Variants in DCC observed in about 807,000 individuals in gnomAD.
DCC encodes DCC netrin 1 receptor.
DCC carries 58 observed loss-of-function variants against 172.5 expected under a neutral mutation model. The ratio of observed to expected loss-of-function variants is 0.34; its 90% CI spans 0.27 to 0.42. The LOEUF is 0.42. Ranked by LOEUF, DCC falls within the 10% of genes least tolerant of loss-of-function variation. DCC has a pLI of 1.00. For synonymous variants in DCC, 709 were observed against 644.5 expected (o/e 1.10, Z -1.52); for missense variants, 1,740 against 1,791.0 (o/e 0.97, Z 0.51).
chr18:53,170,234 A>G (rs1227051981), intron 8 of DCC, among the ~76,000 whole-genome samples: 1 of 152,322 alleles, frequency 6.6e-6, no homozygotes, highest in East Asian at 1.9e-4. Flanking sequence ...AGATACCATA[A>G]GACTATCAAG....
chr18:53,443,709 A>G (rs1466538145), intron 22 of DCC, among the ~76,000 whole-genome samples: 2 of 152,254 alleles, frequency 1.3e-5, no homozygotes, highest in African/African-American at 2.4e-5. Context: ...ACCACTCTAG[A>G]TGCCATTAAG....
At chr18:53,485,284 T>C (rs555511357) in intron 25 of DCC, among the ~76,000 whole-genome samples, 19 of 152,252 alleles carry the variant, frequency 1.2e-4, no homozygotes, top group Admixed American at 2.0e-4. Flanking sequence ...CAATAACATG[T>C]ATTTTTAAAA....
intron 1 of DCC, among the ~76,000 whole-genome samples, chr18:52,466,122 G>A (rs559047686): frequency 1.3e-5 from 2 of 152,230 alleles, no homozygotes; most frequent in South Asian, 2.1e-4. Context: ...AAAAAATAGC[G>A]TTTGAGAAGG....
chr18:53,328,680 A>T (rs1042120622), intron 14 of DCC, among the ~76,000 whole-genome samples: 1 of 152,068 alleles, frequency 6.6e-6, no homozygotes, highest in African/African-American at 2.4e-5. Context: ...GATTACAGGC[A>T]TCCACCACCA....
chr18:53,391,920 A>G (rs1908575474), intron 17 of DCC, 33 bp downstream of exon 17: 1 of 1,230,182 alleles, frequency 8.1e-7, no homozygotes, highest in Admixed American at 1.7e-5. Context: ...GAAATTTAAA[A>G]TGAACTGACA....
intron 12 of DCC, among the ~76,000 whole-genome samples, chr18:53,262,084 G>C (rs1568398954): frequency 6.6e-6 from 1 of 152,156 alleles, no homozygotes; most frequent in Non-Finnish European, 1.5e-5. Context: ...GTAAGTTTCT[G>C]TTCTTACACA....
intron 1 of DCC, among the ~76,000 whole-genome samples, chr18:52,718,987 T>C (rs191271156): frequency 6.6e-6 from 1 of 152,288 alleles, no homozygotes; most frequent in East Asian, 1.9e-4. Context: ...AGCAGGTCCA[T>C]TTTCCCTCTG....
At chr18:52,597,205 A>C (rs544815227) in intron 1 of DCC, among the ~76,000 whole-genome samples, 1 of 152,180 alleles carries the variant, frequency 6.6e-6, no homozygotes, top group Non-Finnish European at 1.5e-5. Context: ...GAGCAAATGA[A>C]GTTTCATCTT....
intron 1 of DCC, among the ~76,000 whole-genome samples, chr18:52,478,135 T>A (rs1246826155): frequency 1.3e-5 from 2 of 152,166 alleles, no homozygotes; most frequent in Non-Finnish European, 2.9e-5. Flanking sequence ...TATCCTGGGT[T>A]ACAATCCTAC....
chr18:53,040,897 A>G (rs1483691714), intron 5 of DCC, among the ~76,000 whole-genome samples: 2 of 151,962 alleles, frequency 1.3e-5, no homozygotes, highest in African/African-American at 4.8e-5. Context: ...ATAAAAGTTG[A>G]AGGGTGCAGG....
chr18:52,736,736 T>A (rs1246697293), intron 1 of DCC, among the ~76,000 whole-genome samples: 2 of 152,178 alleles, frequency 1.3e-5, no homozygotes, highest in African/African-American at 2.4e-5. Context: ...TCATGATAAC[T>A]AATTAGTCCC....
At chr18:52,976,950 A>T (rs2041128126) in intron 5 of DCC, among the ~76,000 whole-genome samples, 2 of 152,100 alleles carry the variant, frequency 1.3e-5, no homozygotes, top group Admixed American at 6.5e-5. Flanking sequence ...GTAAACCTTA[A>T]CTCATTAATT....
At chr18:52,690,068 A>G (rs1361675900) in intron 1 of DCC, among the ~76,000 whole-genome samples, 2 of 152,158 alleles carry the variant, frequency 1.3e-5, no homozygotes, top group African/African-American at 4.8e-5. Flanking sequence ...CAAGCCTTCA[A>G]ATGACTGTAG....
At chr18:52,899,904 T>A (rs148904169) in intron 2 of DCC, among the ~76,000 whole-genome samples, 1 of 152,332 alleles carries the variant, frequency 6.6e-6, no homozygotes, top group African/African-American at 2.4e-5. Flanking sequence ...AACAATGATA[T>A]ATATTTTTCA....
chr18:53,175,753 C>G (rs1397011847), intron 8 of DCC, among the ~76,000 whole-genome samples: 1 of 151,962 alleles, frequency 6.6e-6, no homozygotes, highest in Non-Finnish European at 1.5e-5. Context: ...CCATACTGCC[C>G]AAGGTAATTT....
chr18:53,462,327 C>G (rs1452976523), intron 24 of DCC, among the ~76,000 whole-genome samples: 1 of 152,098 alleles, frequency 6.6e-6, no homozygotes, highest in African/African-American at 2.4e-5. Context: ...CCATTACTGC[C>G]TGAGCTCTGC....
At chr18:52,545,874 G>A (rs186636346) in intron 1 of DCC, among the ~76,000 whole-genome samples, 1 of 152,226 alleles carries the variant, frequency 6.6e-6, no homozygotes, top group East Asian at 1.9e-4. Context: ...TACCCATTTG[G>A]ATACAGTTTC....
intron 15 of DCC, among the ~76,000 whole-genome samples, chr18:53,383,971 T>C (rs1907958968): frequency 6.6e-6 from 1 of 152,182 alleles, no homozygotes; most frequent in Admixed American, 6.5e-5. Flanking sequence ...CTGTCATTAG[T>C]CTTTAATTTT....
intron 2 of DCC, among the ~76,000 whole-genome samples, chr18:52,880,207 G>GCTTCAC (rs2039463712): frequency 6.6e-6 from 1 of 151,824 alleles, no homozygotes; most frequent in African/African-American, 2.4e-5. Context: ...TTCAGCTTCA[G>GCTTCAC]CTCACTGCAA....
Sources: allele counts gnomAD v4.1 joint callset (sites outside exome capture counted in the v4.1 genomes callset), GRCh38; gene constraint gnomAD v4.1.1; transcripts MANE v1.5; gene names NCBI Gene and HGNC (gene_info 2026-07-23, HGNC 2026-07-21).